The following WAC variants were observed in gnomAD, a reference collection of about 807,000 sequenced individuals.
WAC encodes the protein WW domain-containing adapter protein with coiled-coil.
A neutral mutation model predicts 79.6 loss-of-function variants in WAC; 11 were observed. That is an observed-to-expected ratio of 0.14 (90% CI 0.09 to 0.23). The LOEUF (loss-of-function observed/expected upper bound fraction) is 0.23, where lower values mean the gene tolerates loss of function less well. Among genes scored for constraint, WAC ranks in the 10% least tolerant of loss-of-function variants. The pLI is 1.00. For missense variants in WAC, 728 were observed against 773.5 expected (o/e 0.94, Z 0.70); for synonymous variants, 304 against 276.9 (o/e 1.10, Z -0.97).
chr10:28,547,928 T>TC (rs1293486805), intron 3 of WAC, among the ~76,000 whole-genome samples: 1 of 150,452 alleles, frequency 6.6e-6, no homozygotes, highest in Non-Finnish European at 1.5e-5. Context: ...TTTTTTTTTT[T>TC]TTCTTCTTTG....
intron 10 of WAC, among the ~76,000 whole-genome samples, chr10:28,612,465 A>G (rs1841287882): frequency 6.6e-6 from 1 of 152,194 alleles, no homozygotes; most frequent in Admixed American, 6.5e-5. Context: ...TATTGCCTGT[A>G]TTTGTCCCAG....
chr10:28,608,107 C>T (rs1841048989), intron 7 of WAC, 79 bp from the exon 8 acceptor site: 2 of 1,541,550 alleles, frequency 1.3e-6, no homozygotes. Context: ...GTGCCTGGCA[C>T]ATGAGAGGTG....
intron 7 of WAC, among the ~76,000 whole-genome samples, chr10:28,601,049 A>G (rs1267622579): frequency 6.6e-6 from 1 of 152,130 alleles, no homozygotes; most frequent in Non-Finnish European, 1.5e-5. Context: ...TTGAAATATG[A>G]TAACCAGAGC....
At chr10:28,614,471 G>GTCTT (rs71391055) in intron 10 of WAC, 96 bp from the exon 11 acceptor site, 7 of 850,794 alleles carry the variant, frequency 8.2e-6, no homozygotes, top group South Asian at 1.6e-5. Flanking sequence ...GAACTTGACT[G>GTCTT]CCACATTTTA....
In WAC at chr10:28,617,707, C is replaced by T. The variant is rs146686848; in HGVS notation, c.1797C>T (p.Ser599=). The change falls in exon 13 of 14, where the codon TCC becomes TCT. Residue 599 remains serine, a synonymous_variant. Coordinates refer to ENST00000354911, the MANE Select transcript of WAC (RefSeq NM_016628.5). ...EAHNMGTIHM[S]EICTELKNLR... Reference sequence around the variant, plus strand: ...ATAACATGGGAACTATTCACATGTCCGAAATTTGTACTGAATTAAAAAATT... The same window carrying T: ...ATAACATGGGAACTATTCACATGTCTGAAATTTGTACTGAATTAAAAAATT... The T allele has an allele frequency of 1.6e-5, 26 of 1,596,948 alleles. No individual in the cohort carries two copies. Among genetic ancestry groups the T allele is most frequent in the South Asian group, 2.4e-5 (2 of 84,944 alleles).
At chr10:28,534,628 T>A (rs1361881534) in intron 2 of WAC, among the ~76,000 whole-genome samples, 2 of 152,256 alleles carry the variant, frequency 1.3e-5, no homozygotes, top group Non-Finnish European at 2.9e-5. Context: ...GGTTCCTTTT[T>A]GTTACTGCAG....
chr10:28,568,982 A>G (rs1838800517), intron 3 of WAC, among the ~76,000 whole-genome samples: 1 of 152,208 alleles, frequency 6.6e-6, no homozygotes, highest in South Asian at 2.1e-4. Context: ...TGTGGATTAC[A>G]TACAATATAT....
chr10:28,534,909 A>G (rs532759466), intron 2 of WAC, among the ~76,000 whole-genome samples: 3 of 152,366 alleles, frequency 2.0e-5, no homozygotes, highest in Admixed American at 6.5e-5. Flanking sequence ...GCAACAGATT[A>G]GTACATCATG....
intron 3 of WAC, among the ~76,000 whole-genome samples, chr10:28,563,281 T>C (rs974809951): frequency 6.6e-6 from 1 of 152,218 alleles, no homozygotes; most frequent in Non-Finnish European, 1.5e-5. Flanking sequence ...TACCCAGTGT[T>C]CCTATCTTTT....
intron 3 of WAC, among the ~76,000 whole-genome samples, chr10:28,541,619 G>A (rs1043669864): frequency 6.6e-6 from 1 of 151,678 alleles, no homozygotes; most frequent in African/African-American, 2.4e-5. Context: ...TTTTCAAAGG[G>A]TTTCTATATT....
At chr10:28,597,318 G>C (rs2132718380) in intron 7 of WAC, among the ~76,000 whole-genome samples, 1 of 152,204 alleles carries the variant, frequency 6.6e-6, no homozygotes, top group Non-Finnish European at 1.5e-5. Flanking sequence ...ATTTTCCATA[G>C]GACATTTTGG....
At position 28,568,338 on chromosome 10, in the gene WAC, T is replaced by A. The variant is rs1838763768; in HGVS notation, c.275-15061T>A. Among the ~76,000 whole-genome samples the A allele has an allele frequency of 3.3e-5, 5 of 152,356 alleles. No homozygotes were observed. In the South Asian group the frequency reaches 1.0e-3, roughly 32 times the overall value. On this transcript the variant is annotated intron_variant, in intron 3 of 13. Transcript: ENST00000354911. ...TCAATTGGAAATAGGTCTTTTAAGA[T>A]AACTTTCATATGATTATTTCAATAT...
chr10:28,611,471 A>C, intron 9 of WAC: 1 of 1,349,526 alleles, frequency 7.4e-7, no homozygotes. Flanking sequence ...AAGAAAGAAG[A>C]AATAAGGATG....
intron 3 of WAC, among the ~76,000 whole-genome samples, chr10:28,556,551 G>A (rs1413802725): frequency 1.3e-5 from 2 of 151,362 alleles, no homozygotes; most frequent in Non-Finnish European, 2.9e-5. Context: ...CGTGCAAGAA[G>A]CTTTTTAGTG....
At chr10:28,561,530 A>G (rs1377124916) in intron 3 of WAC, among the ~76,000 whole-genome samples, 1 of 152,138 alleles carries the variant, frequency 6.6e-6, no homozygotes, top group Non-Finnish European at 1.5e-5. Context: ...AACGATTTAC[A>G]TTAGAGCACG....
chr10:28,577,349 G>A (rs1839296625), intron 3 of WAC, among the ~76,000 whole-genome samples: 1 of 151,856 alleles, frequency 6.6e-6, no homozygotes, highest in African/African-American at 2.4e-5. Context: ...ATTATCTCTT[G>A]AAAGTAATTG....
At chr10:28,570,734 A>T (rs1460004468) in intron 3 of WAC, among the ~76,000 whole-genome samples, 1 of 152,160 alleles carries the variant, frequency 6.6e-6, no homozygotes, top group Non-Finnish European at 1.5e-5. Flanking sequence ...TTGTGTGATA[A>T]GGAAATAGTG....
chr10:28,533,768 G>T (rs1042274282), intron 1 of WAC, 148 bp downstream of exon 1: 1 of 1,026,454 alleles, frequency 9.7e-7, no homozygotes, highest in African/African-American at 1.7e-5. Flanking sequence ...CCGCGCGGGC[G>T]GGCGGGCGGG....
At chr10:28,579,201 G>A (rs1839406966) in intron 3 of WAC, among the ~76,000 whole-genome samples, 1 of 149,402 alleles carries the variant, frequency 6.7e-6, no homozygotes. Flanking sequence ...TCGTTAAATA[G>A]CGAGCTTTTC....
Sources: gnomAD v4.1 joint callset for allele counts (sites outside exome capture counted in the v4.1 genomes callset) on GRCh38, gnomAD v4.1.1 for gene constraint, MANE v1.5 for transcripts, NCBI Gene and HGNC (gene_info 2026-07-23, HGNC 2026-07-21) for gene names.